The following SLC15A5 variants were observed in gnomAD, a reference collection of about 807,000 sequenced individuals.
SLC15A5 encodes solute carrier family 15 member 5.
In SLC15A5, 58 loss-of-function variants were observed where a neutral mutation model predicts 56.1. The observed-to-expected ratio is 1.03, with a 90% CI of 0.84 to 1.29. The LOEUF is 1.29. Among genes scored for constraint, SLC15A5 ranks in the 50% most tolerant of loss-of-function variants. The probability of loss-of-function intolerance (pLI) is 0.00; values close to 1 mark genes in which losing one functional copy is unlikely to be tolerated. For synonymous variants in SLC15A5, 264 were observed against 250.5 expected (o/e 1.05, Z -0.51); for missense variants, 681 against 672.1 (o/e 1.01, Z -0.15).
At chr12:16,230,409 C>T (rs1020596142) in intron 5 of SLC15A5, among the ~76,000 whole-genome samples, 2 of 152,014 alleles carry the variant, frequency 1.3e-5, no homozygotes, top group African/African-American at 4.8e-5. Context: ...TTTTACTGAG[C>T]TCTTTTTTTT....
Position 16,239,837 on chromosome 12 carries a change from T to G in SLC15A5, c.1006A>C (p.Asn336His). ...IPSGYYLQTM[N>H]SNLNLDGFLL... ...AATCCATCCAAATTCAGGTTGGAAT[T>G]CATAGTTTGCAGATAATATCCTGAA... The change falls in exon 5 of 9, where the codon AAT (asparagine) becomes CAT (histidine). Residue 336 changes from asparagine to histidine, a missense_variant. By Grantham distance (68) the Asn-to-His change is moderately conservative (BLOSUM62 1). Coordinates refer to ENST00000344941, the MANE Select transcript of SLC15A5 (RefSeq NM_001170798.1). 2 of 1,537,164 alleles carry G rather than the reference T, an allele frequency of 1.3e-6. No homozygotes were observed. The highest frequency in any genetic ancestry group is 2.4e-5 in the South Asian group (2 of 84,050).
At chr12:16,216,864 A>T in intron 7 of SLC15A5, 29 bp downstream of exon 7, 1 of 1,527,272 alleles carries the variant, frequency 6.5e-7, no homozygotes, top group Non-Finnish European at 8.8e-7. Context: ...AACTCAATGT[A>T]TATAAGCATG....
At chr12:16,250,226 C>G (rs570654078) in intron 3 of SLC15A5, among the ~76,000 whole-genome samples, 9 of 152,038 alleles carry the variant, frequency 5.9e-5, no homozygotes, top group African/African-American at 1.9e-4. Context: ...TGAACACTTA[C>G]CATATTCAAG....
Position 16,224,477 on chromosome 12 carries a change from A to C in SLC15A5, c.1288T>G (p.Cys430Gly), listed in dbSNP as rs1306479330. The change falls in exon 6 of 9, where the codon TGT becomes GGT. Residue 430 changes from cysteine to glycine, a missense_variant. Cys to Gly is a radical substitution (Grantham distance 159). Coordinates refer to ENST00000344941, the MANE Select transcript of SLC15A5 (RefSeq NM_001170798.1). ...ACATACTGAAGAATCAGGTAGAAAC[A>C]GGGCATGGAGGAAACAGTGAGAACT... Reference protein sequence around the residue: ...GKVLTVSSMPCFYLILQYVLL... With the variant: ...GKVLTVSSMPGFYLILQYVLL... 1 of 1,537,320 alleles carries C rather than the reference A, an allele frequency of 6.5e-7. No individual in the cohort carries two copies. The highest frequency in any genetic ancestry group is 2.0e-5 in the Admixed American group (1 of 51,002).
chr12:16,265,664 G>A (rs1864687320), intron 2 of SLC15A5, among the ~76,000 whole-genome samples: 1 of 151,816 alleles, frequency 6.6e-6, no homozygotes, highest in Admixed American at 6.6e-5. Flanking sequence ...TGTATTTTTT[G>A]TAGAGATGGG....
intron 3 of SLC15A5, among the ~76,000 whole-genome samples, chr12:16,248,726 A>G (rs1009100788): frequency 3.9e-5 from 6 of 152,054 alleles, no homozygotes; most frequent in Admixed American, 3.9e-4. Flanking sequence ...CTTCTATGCA[A>G]ATAATTTTGG....
chr12:16,276,681 G>C (rs780178551), intron 1 of SLC15A5, among the ~76,000 whole-genome samples: 2 of 151,874 alleles, frequency 1.3e-5, no homozygotes, highest in Non-Finnish European at 2.9e-5. Flanking sequence ...TCTTCAAGTT[G>C]CTCTCTATTT....
intron 6 of SLC15A5, among the ~76,000 whole-genome samples, chr12:16,223,771 A>G (rs980513140): frequency 6.6e-6 from 1 of 151,504 alleles, no homozygotes; most frequent in East Asian, 1.9e-4. Context: ...GCTGGAGTGC[A>G]GCGGCACAAT....
At chr12:16,238,372 C>T (rs1036400207) in intron 5 of SLC15A5, among the ~76,000 whole-genome samples, 2 of 151,936 alleles carry the variant, frequency 1.3e-5, no homozygotes, top group South Asian at 4.2e-4. Context: ...TCACACCTGT[C>T]ATCCCAGCAC....
chr12:16,191,799 G>C (rs1487066224), intron 8 of SLC15A5, among the ~76,000 whole-genome samples: 1 of 152,090 alleles, frequency 6.6e-6, no homozygotes, highest in African/African-American at 2.4e-5. Flanking sequence ...CTTTGGCATT[G>C]ATGTCATTGG....
At chr12:16,202,321 A>G (rs1250704056) in intron 7 of SLC15A5, among the ~76,000 whole-genome samples, 3 of 152,208 alleles carry the variant, frequency 2.0e-5, no homozygotes, top group African/African-American at 7.2e-5. Context: ...AAGAAGACAT[A>G]CAAATGGCCA....
At chr12:16,223,878 G>C (rs1189724032) in intron 6 of SLC15A5, among the ~76,000 whole-genome samples, 1 of 152,022 alleles carries the variant, frequency 6.6e-6, no homozygotes, top group East Asian at 1.9e-4. Context: ...CACCACACCT[G>C]GCTAATTTTT....
chr12:16,193,650 T>G (rs1171884537), intron 8 of SLC15A5, among the ~76,000 whole-genome samples: 2 of 151,974 alleles, frequency 1.3e-5, no homozygotes, highest in Non-Finnish European at 2.9e-5. Context: ...ACATTGTGAT[T>G]AGCACTTTAT....
chr12:16,242,240 A>G (rs1352122483), intron 4 of SLC15A5, among the ~76,000 whole-genome samples: 2 of 152,184 alleles, frequency 1.3e-5, no homozygotes, highest in Non-Finnish European at 2.9e-5. Flanking sequence ...GGGGCAAAAA[A>G]CTAAACCCAG....
intron 7 of SLC15A5, among the ~76,000 whole-genome samples, chr12:16,213,949 A>G (rs1864107058): frequency 3.3e-5 from 5 of 152,150 alleles, no homozygotes; most frequent in Admixed American, 3.3e-4. Context: ...TTATATTGCA[A>G]AAGTAACAAA....
intron 8 of SLC15A5, among the ~76,000 whole-genome samples, chr12:16,190,569 A>G (rs1361563650): frequency 6.6e-6 from 1 of 152,184 alleles, no homozygotes; most frequent in Non-Finnish European, 1.5e-5. Flanking sequence ...ATTGATACAT[A>G]GTAGATGTTC....
At chr12:16,212,354 A>C (rs1033123049) in intron 7 of SLC15A5, among the ~76,000 whole-genome samples, 4 of 152,162 alleles carry the variant, frequency 2.6e-5, no homozygotes, top group Non-Finnish European at 5.9e-5. Context: ...AGGGATACTG[A>C]CCTACCCAAA....
At chr12:16,233,767 G>A (rs1175364750) in intron 5 of SLC15A5, among the ~76,000 whole-genome samples, 2 of 152,140 alleles carry the variant, frequency 1.3e-5, no homozygotes, top group Non-Finnish European at 2.9e-5. Flanking sequence ...ATCACCTGGG[G>A]GCTTGTTAGA....
chr12:16,240,704 AC>A (rs1358382750), intron 4 of SLC15A5, among the ~76,000 whole-genome samples: 3 of 152,194 alleles, frequency 2.0e-5, no homozygotes, highest in Non-Finnish European at 4.4e-5. Flanking sequence ...CCTCTTGGCA[AC>A]CGAGTGTGAT....
Sources: gnomAD v4.1 joint callset for allele counts (sites outside exome capture counted in the v4.1 genomes callset) on GRCh38, gnomAD v4.1.1 for gene constraint, MANE v1.5 for transcripts, NCBI Gene and HGNC (gene_info 2026-07-23, HGNC 2026-07-21) for gene names.